Variants in FAT3 observed in about 807,000 individuals in gnomAD.
FAT3 encodes the protein FAT atypical cadherin 3.
Under a neutral mutation model 310.2 loss-of-function variants are expected in FAT3, and 95 were observed. That is an observed-to-expected ratio of 0.31 (90% CI 0.26 to 0.36). The LOEUF (loss-of-function observed/expected upper bound fraction) is 0.36, where lower values mean the gene tolerates loss of function less well. Ranked by LOEUF, FAT3 falls within the 10% of genes least tolerant of loss-of-function variation. The pLI is 1.00. For missense variants in FAT3, 5,408 were observed against 5,715.6 expected, an observed-to-expected ratio of 0.95 and a Z score of 1.74; for synonymous variants, 2,314 against 2,192.9, an observed-to-expected ratio of 1.06 and a Z score of -1.54.
At position 92,800,917 on chromosome 11, in the gene FAT3, T is replaced by C; in HGVS notation, c.7904T>C (p.Ile2635Thr). 6.2e-7 allele frequency: 1 copy of C among 1,612,906 alleles called. No individual in the cohort carries two copies. ...CCCGATGATGGAGCAAATTCAAGGA[T>C]TACTTATTCCCTCTATAGCGAGGCC... ...IDPDDGANSR[I>T]TYSLYSEASV... Residue 2635 changes from isoleucine (I) to threonine (T), a missense_variant, in exon 10 of 28, where the codon ATT (isoleucine) becomes ACT (threonine). Physicochemically the swap from Ile to Thr is moderately conservative, Grantham distance 89 (BLOSUM62 -1). Transcript: ENST00000525166.
intron 4 of FAT3, among the ~76,000 whole-genome samples, chr11:92,750,982 G>C (rs1479865717): frequency 6.6e-6 from 1 of 152,178 alleles, no homozygotes. Context: ...ACAGTGAATT[G>C]TTCACGTTTC....
chr11:92,623,868 G>A (rs1027425647), intron 3 of FAT3, among the ~76,000 whole-genome samples: 1 of 152,080 alleles, frequency 6.6e-6, no homozygotes, highest in African/African-American at 2.4e-5. Context: ...GCGTGAACCC[G>A]GGAGGCAGAG....
At chr11:92,819,034 A>T (rs950980947) in intron 13 of FAT3, among the ~76,000 whole-genome samples, 4 of 152,202 alleles carry the variant, frequency 2.6e-5, no homozygotes, top group Non-Finnish European at 5.9e-5. Flanking sequence ...CCTTAGATAC[A>T]TTATTCCCAT....
chr11:92,671,864 G>A (rs1327953294), intron 3 of FAT3, among the ~76,000 whole-genome samples: 2 of 152,294 alleles, frequency 1.3e-5, no homozygotes, highest in East Asian at 3.9e-4. Flanking sequence ...CCAGCACTTT[G>A]GGAGGCCAAG....
At chr11:92,447,363 A>G (rs1306372648) in intron 2 of FAT3, among the ~76,000 whole-genome samples, 10 of 151,752 alleles carry the variant, frequency 6.6e-5, no homozygotes, top group Non-Finnish European at 1.5e-4. Context: ...AATCTGCTGG[A>G]GTCATACCTT....
intron 2 of FAT3, among the ~76,000 whole-genome samples, chr11:92,370,282 TA>T (rs1375819064): frequency 1.3e-5 from 2 of 152,234 alleles, no homozygotes; most frequent in Non-Finnish European, 2.9e-5. Context: ...TTTCATTGAC[TA>T]AACCCTAGAT....
At chr11:92,630,696 C>A (rs936504296) in intron 3 of FAT3, among the ~76,000 whole-genome samples, 2 of 152,320 alleles carry the variant, frequency 1.3e-5, no homozygotes, top group South Asian at 2.1e-4. Context: ...CTAAATATTT[C>A]TTGGATGTGT....
intron 1 of FAT3, among the ~76,000 whole-genome samples, chr11:92,331,315 A>G (rs556022476): frequency 6.6e-6 from 1 of 151,542 alleles, no homozygotes; most frequent in South Asian, 2.1e-4. Context: ...TGAGAGTTTC[A>G]TGAAAACCTC....
At chr11:92,372,480 A>G (rs567059724) in intron 2 of FAT3, among the ~76,000 whole-genome samples, 62 of 152,156 alleles carry the variant, frequency 4.1e-4, no homozygotes, top group Non-Finnish European at 7.9e-4. Context: ...CCATAAAATT[A>G]TGATGACCAT....
chr11:92,703,105 T>A (rs116287238), intron 4 of FAT3, among the ~76,000 whole-genome samples: 1 of 152,344 alleles, frequency 6.6e-6, no homozygotes, highest in African/African-American at 2.4e-5. Flanking sequence ...ATACAACTCA[T>A]GTGAATAATT....
intron 1 of FAT3, among the ~76,000 whole-genome samples, chr11:92,230,368 A>G (rs573583415): frequency 9.9e-5 from 15 of 152,210 alleles, no homozygotes; most frequent in South Asian, 2.1e-4. Flanking sequence ...TTCTTGGCTC[A>G]CTGCAACCTC....
At chr11:92,882,585 T>TCCCCCTCCC (rs1949694154) in intron 23 of FAT3, among the ~76,000 whole-genome samples, 153 bp from the exon 24 acceptor site, 3 of 93,174 alleles carry the variant, frequency 3.2e-5, no homozygotes, top group Non-Finnish European at 6.6e-5. Context: ...TAACTCCCCC[T>TCCCCCTCCC]CCCCCCCCCC....
Position 92,894,846 on chromosome 11 carries a change from G to A in FAT3, c.*3733G>A, listed in dbSNP as rs1378231192. 1 of 152,040 alleles carries A rather than the reference G, an allele frequency of 6.6e-6. No individual in the cohort carries two copies. Among genetic ancestry groups the A allele is most frequent in the Non-Finnish European group, 1.5e-5 (1 of 68,012 alleles). 9.4% of individuals were successfully genotyped at this position (152,040 alleles called of 1,614,324 possible). A position where few individuals can be genotyped will look rare whatever the true frequency, so the allele number is the denominator to read the frequency against. ...GGAACTAGTTTCTGGGATTTGCCTG[G>A]AACTTCCCTTGGACATTACTAGCAC... On this transcript the variant is annotated 3_prime_UTR_variant, in exon 28 of 28. Transcript: ENST00000525166.
chr11:92,563,330 AAC>A (rs538270578), intron 3 of FAT3, among the ~76,000 whole-genome samples: 76 of 152,350 alleles, frequency 5.0e-4, no homozygotes, highest in African/African-American at 1.7e-3. Context: ...GTGATTGACT[AAC>A]ACAGTGGCCT....
chr11:92,261,830 G>T (rs1865567588), intron 1 of FAT3, among the ~76,000 whole-genome samples: 2 of 152,006 alleles, frequency 1.3e-5, no homozygotes, highest in South Asian at 2.1e-4. Context: ...ATTCATGCTG[G>T]TTGGATGACA....
At chr11:92,821,414 A>G (rs896292157) in intron 13 of FAT3, among the ~76,000 whole-genome samples, 2 of 152,098 alleles carry the variant, frequency 1.3e-5, no homozygotes, top group African/African-American at 4.8e-5. Flanking sequence ...AGATATTGTT[A>G]TTTCTAACCT....
At chr11:92,580,317 A>G (rs889609559) in intron 3 of FAT3, among the ~76,000 whole-genome samples, 7 of 152,004 alleles carry the variant, frequency 4.6e-5, no homozygotes, top group Admixed American at 2.6e-4. Flanking sequence ...TTGTCTAGTG[A>G]TGCTACCATG....
chr11:92,325,322 G>C (rs888183506), intron 1 of FAT3, among the ~76,000 whole-genome samples: 1 of 152,174 alleles, frequency 6.6e-6, no homozygotes, highest in Non-Finnish European at 1.5e-5. Flanking sequence ...TGCTGAGAAA[G>C]TGTAGAAAGC....
chr11:92,250,311 C>T (rs1037549167), intron 1 of FAT3, among the ~76,000 whole-genome samples: 1 of 152,050 alleles, frequency 6.6e-6, no homozygotes, highest in Non-Finnish European at 1.5e-5. Context: ...TTGCTGTTTA[C>T]AGACACAAAC....
Sources: gnomAD v4.1 joint callset for allele counts (sites outside exome capture counted in the v4.1 genomes callset) on GRCh38, gnomAD v4.1.1 for gene constraint, MANE v1.5 for transcripts, NCBI Gene and HGNC (gene_info 2026-07-23, HGNC 2026-07-21) for gene names.